IQCK: variants seen among roughly 807,000 people sequenced by gnomAD.
IQCK encodes IQ domain-containing protein K.
IQCK carries 29 observed loss-of-function variants against 28.1 expected under a neutral mutation model. The observed-to-expected ratio is 1.03, with a 90% CI of 0.77 to 1.41. The LOEUF (loss-of-function observed/expected upper bound fraction) is 1.41, where lower values mean the gene tolerates loss of function less well. Among genes scored for constraint, IQCK ranks in the 40% most tolerant of loss-of-function variants. The pLI is 0.00. For missense variants in IQCK, 359 were observed against 314.7 expected, an observed-to-expected ratio of 1.14 and a Z score of -1.07; for synonymous variants, 113 against 115.1, an observed-to-expected ratio of 0.98 and a Z score of 0.12.
chr16:19,793,653 T>G lies in IQCK; in HGVS notation c.690+4731T>G, dbSNP rs796573723. Among the ~76,000 whole-genome samples, 647 of 129,148 alleles carry G rather than the reference T, an allele frequency of 5.0e-3. 68 individuals carry two copies. Among genetic ancestry groups the G allele is most frequent in the African/African-American group, 0.022 (628 of 28,906 alleles). 84.7% of individuals were successfully genotyped at this position (129,148 alleles called of 152,430 possible). A position where few individuals can be genotyped will look rare whatever the true frequency, so the allele number is the denominator to read the frequency against. ...CGAAATCTCAGTTGGGTTTTTTTTT[T>G]TTTTTTTTTTTTTTTTTTTTGTGAA... On this transcript the variant is annotated intron_variant, in intron 7 of 7. Coordinates refer to ENST00000564186, the Ensembl canonical transcript of IQCK.
chr16:19,820,548 C>G (rs1374957304), intron 7 of IQCK, among the ~76,000 whole-genome samples: 1 of 151,418 alleles, frequency 6.6e-6, no homozygotes, highest in Non-Finnish European at 1.5e-5. Context: ...ACTCGGGAGG[C>G]TGAGGCACGA....
intron 4 of IQCK, among the ~76,000 whole-genome samples, chr16:19,750,654 G>T (rs1597518091): frequency 6.6e-6 from 1 of 151,236 alleles, no homozygotes; most frequent in South Asian, 2.1e-4. Context: ...TAGAGACGGG[G>T]TTTCACCATG....
chr16:19,736,239 C>T, intron 4 of IQCK: 1 of 444,436 alleles, frequency 2.3e-6, no homozygotes, highest in South Asian at 1.6e-5. Flanking sequence ...AGAGAATCAG[C>T]TTCTCTGCAG....
At chr16:19,827,697 G>A (rs543746510), downstream of IQCK, among the ~76,000 whole-genome samples, 1 of 152,198 alleles carries the variant, frequency 6.6e-6, no homozygotes, top group South Asian at 2.1e-4. Flanking sequence ...ATCTGTTAAG[G>A]GCCTGAATAG....
At chr16:19,749,722 C>T (rs1251604836) in intron 4 of IQCK, among the ~76,000 whole-genome samples, 1 of 151,250 alleles carries the variant, frequency 6.6e-6, no homozygotes, top group Non-Finnish European at 1.5e-5. Context: ...GCTATGATTG[C>T]AGCACTGCAC....
intron 9 of IQCK, among the ~76,000 whole-genome samples, chr16:19,848,527 A>G (rs2056439345): frequency 1.3e-5 from 2 of 152,214 alleles, no homozygotes; most frequent in South Asian, 2.1e-4. Flanking sequence ...TAAATGAACT[A>G]CTTAGCAGCA....
intron 7 of IQCK, among the ~76,000 whole-genome samples, chr16:19,801,259 C>T (rs1162546618): frequency 1.7e-5 from 2 of 119,460 alleles, no homozygotes; most frequent in East Asian, 4.6e-4. Context: ...GCCTATAGAC[C>T]TCCTATTACA....
chr16:19,836,184 T>C (rs1385014175), intron 9 of IQCK, among the ~76,000 whole-genome samples: 6 of 152,200 alleles, frequency 3.9e-5, no homozygotes, highest in Non-Finnish European at 8.8e-5. Flanking sequence ...TAAGGTGTCA[T>C]TTTCATTTTC....
At chr16:19,827,498 A>G (rs1221587770), downstream of IQCK, among the ~76,000 whole-genome samples, 1 of 152,204 alleles carries the variant, frequency 6.6e-6, no homozygotes, top group Admixed American at 6.6e-5. Flanking sequence ...GTCTGAACTC[A>G]GATGGTATTT....
At chr16:19,843,517 T>C (rs1016865706) in intron 9 of IQCK, among the ~76,000 whole-genome samples, 1 of 152,246 alleles carries the variant, frequency 6.6e-6, no homozygotes. Flanking sequence ...GTTTGCAAAG[T>C]TTATCCATGC....
At chr16:19,753,852 C>T (rs896080703) in intron 4 of IQCK, among the ~76,000 whole-genome samples, 4 of 151,838 alleles carry the variant, frequency 2.6e-5, no homozygotes, top group African/African-American at 9.7e-5. Context: ...AAAACAGCTG[C>T]GACCACTGCC....
chr16:19,742,458 T>G (rs1254155679), intron 4 of IQCK, among the ~76,000 whole-genome samples: 1 of 151,760 alleles, frequency 6.6e-6, no homozygotes, highest in Non-Finnish European at 1.5e-5. Flanking sequence ...GGAACTCCCC[T>G]TATCCTGATC....
At chr16:19,837,169 G>C (rs1712783780) in intron 9 of IQCK, among the ~76,000 whole-genome samples, 1 of 152,184 alleles carries the variant, frequency 6.6e-6, no homozygotes, top group Admixed American at 6.5e-5. Flanking sequence ...GGGAGGCCAA[G>C]ATGGGAGGAT....
chr16:19,732,935 G>A (rs2151682458), intron 2 of IQCK, among the ~76,000 whole-genome samples: 1 of 152,310 alleles, frequency 6.6e-6, no homozygotes, highest in South Asian at 2.1e-4. Flanking sequence ...AGAAGCCTGA[G>A]GGGAGTGTGG....
rs1351400973 is a variant in IQCK at position 19,821,277 on chromosome 16, T to G, written c.691-5749T>G. Among the ~76,000 whole-genome samples, 3 of 152,202 alleles carry G rather than the reference T, an allele frequency of 2.0e-5. No individual in the cohort carries two copies. In the East Asian group the frequency reaches 5.8e-4, roughly 29 times the overall value. ...CAAGAATGTGGTTCAGTTAGAGCCCTCATTCATTGCTGGTGAGAATACAAG... is the reference window on the plus strand; with the variant it reads ...CAAGAATGTGGTTCAGTTAGAGCCCGCATTCATTGCTGGTGAGAATACAAG... On this transcript the variant is annotated intron_variant, in intron 7 of 7. Transcript: ENST00000564186.
chr16:19,847,931 G>A (rs1020818090), intron 9 of IQCK, among the ~76,000 whole-genome samples: 1 of 152,182 alleles, frequency 6.6e-6, no homozygotes, highest in Admixed American at 6.5e-5. Context: ...GCCTCCCAAA[G>A]TGCTGGGATT....
intron 9 of IQCK, among the ~76,000 whole-genome samples, chr16:19,840,094 G>A (rs763927669): frequency 9.9e-5 from 15 of 151,884 alleles, no homozygotes; most frequent in African/African-American, 2.4e-4. Context: ...GATAAAGACC[G>A]CCTGTAATCT....
chr16:19,742,989 C>A (rs1338951769), intron 4 of IQCK, among the ~76,000 whole-genome samples: 1 of 152,116 alleles, frequency 6.6e-6, no homozygotes, highest in Non-Finnish European at 1.5e-5. Flanking sequence ...GCCAACATGG[C>A]AAAACCCTGT....
chr16:19,741,633 A>G (rs558942481), intron 4 of IQCK, among the ~76,000 whole-genome samples: 1 of 152,324 alleles, frequency 6.6e-6, no homozygotes, highest in South Asian at 2.1e-4. Context: ...TGAACAGAGC[A>G]TTAAAGTTTA....
Sources: gnomAD v4.1 joint callset for allele counts (sites outside exome capture counted in the v4.1 genomes callset) on GRCh38, gnomAD v4.1.1 for gene constraint, MANE v1.5 for transcripts, NCBI Gene and HGNC (gene_info 2026-07-23, HGNC 2026-07-21) for gene names.